PCDH11X: variants seen among roughly 807,000 people sequenced by gnomAD.
The protein encoded by PCDH11X is protocadherin-11 X-linked.
PCDH11X carries 18 observed loss-of-function variants against 53.3 expected under a neutral mutation model. The observed-to-expected ratio is 0.34, with a 90% CI of 0.23 to 0.50. The LOEUF is 0.50. PCDH11X is among the 20% of genes least tolerant of loss of function. PCDH11X has a pLI of 0.98. For synonymous variants in PCDH11X, 279 were observed against 393.3 expected (o/e 0.71, Z 3.44); for missense variants, 570 against 1,032.4 (o/e 0.55, Z 6.14).
rs764579043 is a variant in PCDH11X, at chrX:92,131,193, A to C, written c.3034-70182A>C. ...AGATTCCACCATTTAAAAAACGAAT[A>C]GTTTTATTCTATTAACTGTGATTGA... On this transcript the variant is annotated intron_variant, in intron 6 of 10. Transcript: ENST00000682573. Among the ~76,000 whole-genome samples the C allele has an allele frequency of 2.7e-5, 3 of 112,073 alleles. No individual in the cohort carries two copies. In the South Asian group the frequency reaches 1.1e-3, roughly 41 times the overall value.
At chrX:92,279,523 C>T (rs1452896259) in intron 8 of PCDH11X, among the ~76,000 whole-genome samples, 1 of 112,279 alleles carries the variant, frequency 8.9e-6, no homozygotes, top group Non-Finnish European at 1.9e-5. Flanking sequence ...AAGGTGATTT[C>T]TGGGAATTGT....
intron 6 of PCDH11X, among the ~76,000 whole-genome samples, chrX:92,034,550 G>T (rs993476650): frequency 9.4e-6 from 1 of 106,132 alleles, no homozygotes; most frequent in Non-Finnish European, 1.9e-5. Context: ...TCTGATATCA[G>T]TATAGCTACT....
chrX:92,475,959 T>C (rs2073373888), intron 10 of PCDH11X, among the ~76,000 whole-genome samples: 1 of 111,648 alleles, frequency 9.0e-6, no homozygotes, highest in Non-Finnish European at 1.9e-5. Flanking sequence ...ATTCTGTTAT[T>C]AAAAGACTGA....
chrX:92,111,318 A>G (rs1382822137), intron 6 of PCDH11X, among the ~76,000 whole-genome samples: 1 of 104,757 alleles, frequency 9.5e-6, no homozygotes, highest in Non-Finnish European at 1.9e-5. Flanking sequence ...GTAGTTTTTT[A>G]CAAGTCTGTC....
intron 8 of PCDH11X, among the ~76,000 whole-genome samples, chrX:92,363,457 G>C (rs1038192775): frequency 5.5e-5 from 6 of 109,551 alleles, no homozygotes; most frequent in African/African-American, 1.6e-4. Flanking sequence ...ATTGTTCATT[G>C]TTAGTGTTTA....
Position 91,892,488 on chromosome X carries a change from C to G in PCDH11X, c.3033+13215C>G, listed in dbSNP as rs2525194. On this transcript the variant is annotated intron_variant, in intron 6 of 10. Transcript: ENST00000682573. Reference sequence around the variant, plus strand: ...CAGTTCTACTTGTTCATTCTATCTCCTACCTTGCCATGCACCTCATATTTT... The same window carrying G: ...CAGTTCTACTTGTTCATTCTATCTCGTACCTTGCCATGCACCTCATATTTT... Among the ~76,000 whole-genome samples, 398 of 110,696 alleles carry G rather than the reference C, an allele frequency of 3.6e-3. 3 individuals are homozygous for G. The highest frequency in any genetic ancestry group is 0.012 in the African/African-American group (378 of 30,441).
intron 4 of PCDH11X, among the ~76,000 whole-genome samples, chrX:91,825,313 T>C (rs1049769685): frequency 9.0e-6 from 1 of 110,702 alleles, no homozygotes; most frequent in African/African-American, 3.3e-5. Flanking sequence ...ACTGCTGTGC[T>C]AGCAATCAGC....
chrX:91,960,460 T>C (rs1046618432), intron 6 of PCDH11X, among the ~76,000 whole-genome samples: 3 of 110,761 alleles, frequency 2.7e-5, no homozygotes, highest in Non-Finnish European at 5.7e-5. Context: ...AGTCTTGATC[T>C]GTCTCCTACG....
intron 5 of PCDH11X, among the ~76,000 whole-genome samples, chrX:91,848,839 C>T (rs2571959): frequency 1.6e-4 from 18 of 111,739 alleles, no homozygotes; most frequent in Non-Finnish European, 2.8e-4. Flanking sequence ...AAAATTTCTA[C>T]GTACATTGAC....
chrX:92,022,139 C>T (rs1257549307), intron 6 of PCDH11X, among the ~76,000 whole-genome samples: 10 of 107,482 alleles, frequency 9.3e-5, no homozygotes, highest in African/African-American at 3.4e-4. Flanking sequence ...GAGCTAGCAT[C>T]ATGCTGACAA....
intron 6 of PCDH11X, among the ~76,000 whole-genome samples, chrX:91,890,119 T>G (rs1227439106): frequency 1.9e-5 from 2 of 108,028 alleles, no homozygotes; most frequent in Admixed American, 1.0e-4. Flanking sequence ...TCATATTAAT[T>G]TGATGTTTAA....
intron 8 of PCDH11X, among the ~76,000 whole-genome samples, chrX:92,289,614 A>C (rs748161490): frequency 9.0e-6 from 1 of 111,548 alleles, no homozygotes; most frequent in African/African-American, 3.3e-5. Flanking sequence ...GAGGGAAAAC[A>C]AATTTACATG....
At chrX:91,945,989 C>G (rs1020734818) in intron 6 of PCDH11X, among the ~76,000 whole-genome samples, 82 of 109,090 alleles carry the variant, frequency 7.5e-4, no homozygotes, top group Non-Finnish European at 1.4e-3. Flanking sequence ...CTACATTATA[C>G]TTTTAATTGG....
At chrX:92,537,913 T>C (rs1447172010) in intron 10 of PCDH11X, among the ~76,000 whole-genome samples, 1 of 108,686 alleles carries the variant, frequency 9.2e-6, no homozygotes, top group Non-Finnish European at 1.9e-5. Flanking sequence ...TTTAGGATTT[T>C]CCAAATATAA....
intron 6 of PCDH11X, among the ~76,000 whole-genome samples, chrX:92,103,267 C>T (rs1232579374): frequency 9.1e-6 from 1 of 110,362 alleles, no homozygotes; most frequent in Non-Finnish European, 1.9e-5. Context: ...TGCATAAAAG[C>T]GTGTTGTCTA....
chrX:91,883,790 G>T, intron 6 of PCDH11X: 1 of 725,148 alleles, frequency 1.4e-6, no homozygotes, highest in African/African-American at 2.3e-5. Flanking sequence ...GGGTGACAGA[G>T]CAAGACTCTG....
At chrX:92,164,502 G>A (rs1307878417) in intron 6 of PCDH11X, among the ~76,000 whole-genome samples, 2 of 112,189 alleles carry the variant, frequency 1.8e-5, no homozygotes, top group African/African-American at 6.5e-5. Context: ...ATTCATGAAT[G>A]TTCTTGAAGG....
intron 6 of PCDH11X, among the ~76,000 whole-genome samples, chrX:91,909,238 T>C (rs1941295107): frequency 9.0e-6 from 1 of 111,689 alleles, no homozygotes; most frequent in Admixed American, 9.5e-5. Context: ...AAAAAGTGTG[T>C]TTAAAATGGT....
At chrX:91,954,554 G>A (rs2061685152) in intron 6 of PCDH11X, among the ~76,000 whole-genome samples, 1 of 111,142 alleles carries the variant, frequency 9.0e-6, no homozygotes, top group Non-Finnish European at 1.9e-5. Context: ...CACAATAGTT[G>A]AACTAATTTA....
Sources: allele counts gnomAD v4.1 joint callset (sites outside exome capture counted in the v4.1 genomes callset), GRCh38; gene constraint gnomAD v4.1.1; transcripts MANE v1.5; gene names NCBI Gene and HGNC (gene_info 2026-07-23, HGNC 2026-07-21).